Variants in PRC1 observed in about 807,000 individuals in gnomAD.
The protein encoded by PRC1 is anaphase spindle elongation 1 homolog.
In PRC1, 54 loss-of-function variants were observed where a neutral mutation model predicts 91.2. The observed-to-expected ratio is 0.59, with a 90% CI of 0.48 to 0.74. PRC1 has a LOEUF of 0.74. Among genes scored for constraint, PRC1 ranks in the 30% least tolerant of loss-of-function variants. PRC1 has a pLI of 0.00. For missense variants in PRC1, 727 were observed against 746.2 expected (o/e 0.97, Z 0.30); for synonymous variants, 275 against 263.6 (o/e 1.04, Z -0.42).
intron 1 of PRC1, among the ~76,000 whole-genome samples, chr15:90,989,191 CTGCT>C (rs1272979523): frequency 6.6e-6 from 1 of 152,120 alleles, no homozygotes; most frequent in African/African-American, 2.4e-5. Context: ...CCCTCAGACA[CTGCT>C]TGTGGGCATG....
intron 12 of PRC1, 140 bp from the exon 13 acceptor site, chr15:90,969,763 CATATATATATATAT>C (rs61067469): frequency 0.024 from 3,184 of 130,460 alleles, 102 homozygotes; most frequent in Admixed American, 0.067. Flanking sequence ...AAAAAAAAAA[CATATATATATATAT>C]ATATATATAT....
chr15:90,992,755 C>T (rs562363539), intron 1 of PRC1, among the ~76,000 whole-genome samples: 376 of 152,054 alleles, frequency 2.5e-3, no homozygotes, highest in African/African-American at 8.6e-3. Flanking sequence ...CATACAAAGA[C>T]TACCACTCAA....
At chr15:90,973,130 G>A (rs2038312294) in intron 11 of PRC1, 2 of 152,302 alleles carry the variant, frequency 1.3e-5, no homozygotes, top group Admixed American at 1.3e-4. Context: ...AGATCAGAGT[G>A]TTACTGTGTC....
chr15:90,975,933 C>T lies in PRC1; in HGVS notation c.1203+743G>A, dbSNP rs191398977. ...ATTGTGGGAAAACCATGTGAACACA[C>T]GGAGAAGACGACAACCATTTACAAA... On this transcript the variant is annotated intron_variant, in intron 9 of 14. Transcript: ENST00000394249. 9.2e-5 allele frequency among the ~76,000 whole-genome samples: 14 copies of T among 152,232 alleles called. No homozygotes were observed. In the South Asian group the frequency reaches 2.1e-3, roughly 23 times the overall value.
At chr15:90,983,096 G>A (rs948424294) in intron 3 of PRC1, among the ~76,000 whole-genome samples, 1 of 152,186 alleles carries the variant, frequency 6.6e-6, no homozygotes, top group Non-Finnish European at 1.5e-5. Flanking sequence ...AAAAAAGAAA[G>A]AGAAACTATG....
chr15:90,981,219 G>A, intron 5 of PRC1, 186 bp from the exon 6 acceptor site: 1 of 807,270 alleles, frequency 1.2e-6, no homozygotes, highest in Non-Finnish European at 1.9e-6. Flanking sequence ...CCAAGAATTA[G>A]CATTCAAATT....
At chr15:90,993,563 T>C (rs1301543530) in intron 1 of PRC1, among the ~76,000 whole-genome samples, 1 of 152,154 alleles carries the variant, frequency 6.6e-6, no homozygotes, top group Admixed American at 6.6e-5. Context: ...GAAAACTGCA[T>C]CCACAACTTT....
chr15:90,969,398 C>CA, intron 13 of PRC1, 49 bp downstream of exon 13: 1 of 1,547,862 alleles, frequency 6.5e-7, no homozygotes, highest in East Asian at 2.3e-5. Flanking sequence ...CACTCTGCCC[C>CA]AACTGTGTGC....
chr15:90,974,745 C>T lies in PRC1; in HGVS notation c.1204-14G>A. ...CTCTTCTTCCAGCTGAGACCAGAAA[C>T]AAGGACATGTTAATTACTTCAACTC... On this transcript the variant is annotated splice_polypyrimidine_tract_variant and intron_variant, in intron 9 of 14. Coordinates refer to ENST00000394249, the MANE Select transcript of PRC1 (RefSeq NM_003981.4). The surrounding 1 kb of genome is among the most constrained non-coding windows in gnomAD (Gnocchi z 4.6). The T allele has an allele frequency of 6.2e-7, 1 of 1,614,088 alleles. No homozygotes were observed. The highest frequency in any genetic ancestry group is 1.1e-5 in the South Asian group (1 of 91,082).
In PRC1 at chr15:90,974,440, C is replaced by T; in HGVS notation, c.1350+145G>A. 1 of 1,307,262 alleles carries T rather than the reference C, an allele frequency of 7.6e-7. No individual in the cohort carries two copies. The highest frequency in any genetic ancestry group is 2.3e-5 in the East Asian group (1 of 42,714). The allele number at this position is 1,307,262 out of a possible 1,614,324, so 81.0% of individuals were successfully genotyped here. ...AGCCCCGGTCCCCGGCTCCCCGTTC[C>T]ACAAGCCCCGGTCCCCGGCTTCCCG... On this transcript the variant is annotated intron_variant, in intron 10 of 14. Coordinates refer to ENST00000394249, the MANE Select transcript of PRC1 (RefSeq NM_003981.4). The surrounding 1 kb of genome is among the most constrained non-coding windows in gnomAD (Gnocchi z 4.6).
At chr15:90,982,058 G>A in intron 3 of PRC1, 77 bp from the exon 4 acceptor site, 1 of 1,341,474 alleles carries the variant, frequency 7.5e-7, no homozygotes. Flanking sequence ...ACATAAGAAG[G>A]CGTGGATGAC....
chr15:90,986,536 C>T (rs959301869), intron 1 of PRC1, among the ~76,000 whole-genome samples: 7 of 152,108 alleles, frequency 4.6e-5, no homozygotes, highest in Admixed American at 3.3e-4. Context: ...GCAGGAGAAT[C>T]GCTTGAACCC....
At chr15:90,969,685 A>AC in intron 12 of PRC1, 62 bp from the exon 13 acceptor site, 2 of 1,474,718 alleles carry the variant, frequency 1.4e-6, no homozygotes, top group African/African-American at 2.8e-5. Flanking sequence ...ACGCACACAC[A>AC]ATACCTGCAC....
intron 7 of PRC1, among the ~76,000 whole-genome samples, chr15:90,979,768 G>A (rs2039034448): frequency 6.6e-6 from 1 of 152,144 alleles, no homozygotes; most frequent in African/African-American, 2.4e-5. Flanking sequence ...ATATGTCTCT[G>A]GGTTAAATGA....
intron 8 of PRC1, among the ~76,000 whole-genome samples, chr15:90,978,544 G>A (rs1017931434): frequency 6.6e-6 from 1 of 152,096 alleles, no homozygotes; most frequent in Non-Finnish European, 1.5e-5. Flanking sequence ...CTGAAGTCAG[G>A]AGTTTGAGAC....
intron 6 of PRC1, 132 bp from the exon 7 acceptor site, chr15:90,980,521 T>C (rs2151529940): frequency 9.5e-7 from 1 of 1,057,698 alleles, no homozygotes; most frequent in East Asian, 2.7e-5. Context: ...ACTTTTTTTT[T>C]TTTTTTTTTT....
At chr15:90,985,682 C>T (rs2039527853) in intron 1 of PRC1, 1 of 151,920 alleles carries the variant, frequency 6.6e-6, no homozygotes, top group Non-Finnish European at 1.5e-5. Flanking sequence ...CTTCAGCCTC[C>T]CAAGTAGCTC....
At chr15:90,989,993 G>A (rs2039863943) in intron 1 of PRC1, among the ~76,000 whole-genome samples, 2 of 152,146 alleles carry the variant, frequency 1.3e-5, no homozygotes, top group South Asian at 4.1e-4. Flanking sequence ...AGCCTCCGGA[G>A]TAGCTGGGAC....
chr15:90,983,736 G>T (rs146182865), intron 3 of PRC1: 3 of 229,800 alleles, frequency 1.3e-5, no homozygotes, highest in African/African-American at 2.3e-5. Flanking sequence ...TTTTCTCAGC[G>T]TTTATAAAAA....
Sources: gnomAD v4.1 joint callset for allele counts (sites outside exome capture counted in the v4.1 genomes callset) on GRCh38, gnomAD v4.1.1 for gene constraint, Gnocchi (gnomAD v3.1) non-coding constraint, MANE v1.5 for transcripts, NCBI Gene and HGNC (gene_info 2026-07-23, HGNC 2026-07-21) for gene names.